Variants in CNTN4 observed in about 807,000 individuals in gnomAD.
The protein encoded by CNTN4 is contactin 4.
Under a neutral mutation model 122.5 loss-of-function variants are expected in CNTN4, and 77 were observed. The ratio of observed to expected loss-of-function variants is 0.63; its 90% CI spans 0.52 to 0.76. The LOEUF (loss-of-function observed/expected upper bound fraction) is 0.76, where lower values mean the gene tolerates loss of function less well. Ranked by LOEUF, CNTN4 falls within the 30% of genes least tolerant of loss-of-function variation. The pLI is 0.00. For missense variants in CNTN4, 1,256 were observed against 1,259.1 expected, an observed-to-expected ratio of 1.00 and a Z score of 0.04; for synonymous variants, 512 against 447.0, an observed-to-expected ratio of 1.15 and a Z score of -1.83.
chr3:2,360,295 G>GT (rs1400953471), intron 3 of CNTN4, among the ~76,000 whole-genome samples: 1 of 151,914 alleles, frequency 6.6e-6, no homozygotes, highest in East Asian at 1.9e-4. Context: ...ATTTTTAGCA[G>GT]TAAAAAAAAA....
chr3:2,819,611 C>T, intron 7 of CNTN4, 30 bp downstream of exon 7: 3 of 1,433,826 alleles, frequency 2.1e-6, no homozygotes, highest in Non-Finnish European at 3.0e-6. Context: ...CATATGCATG[C>T]TTCACTCTCT....
At chr3:2,243,912 A>C (rs2040039730) in intron 2 of CNTN4, among the ~76,000 whole-genome samples, 1 of 152,090 alleles carries the variant, frequency 6.6e-6, no homozygotes, top group Non-Finnish European at 1.5e-5. Flanking sequence ...GACAAAGCTG[A>C]AAGCAATGTA....
chr3:2,429,767 C>G (rs1032919139), intron 3 of CNTN4, among the ~76,000 whole-genome samples: 5 of 152,210 alleles, frequency 3.3e-5, no homozygotes, highest in Non-Finnish European at 7.3e-5. Flanking sequence ...TTTACCTACT[C>G]AAGCCTCAGC....
chr3:2,638,169 A>C (rs574546915), intron 4 of CNTN4, among the ~76,000 whole-genome samples: 1 of 152,182 alleles, frequency 6.6e-6, no homozygotes, highest in Non-Finnish European at 1.5e-5. Context: ...TTTTTCCATT[A>C]ACTTCTACCT....
chr3:2,705,228 C>T (rs1411921603), intron 4 of CNTN4, among the ~76,000 whole-genome samples: 3 of 149,376 alleles, frequency 2.0e-5, no homozygotes, highest in East Asian at 2.0e-4. Context: ...ATTAGCTGGG[C>T]GTAGTGGCGG....
intron 4 of CNTN4, among the ~76,000 whole-genome samples, chr3:2,725,421 C>G (rs776694708): frequency 6.6e-6 from 1 of 152,084 alleles, no homozygotes; most frequent in African/African-American, 2.4e-5. Context: ...ATTCTTTATG[C>G]GTAGAAAGAA....
chr3:2,725,077 A>C (rs754512384), intron 4 of CNTN4, among the ~76,000 whole-genome samples: 35 of 152,214 alleles, frequency 2.3e-4, no homozygotes, highest in African/African-American at 2.4e-5. Flanking sequence ...ATATATCCCT[A>C]TGAGCATGGA....
At chr3:2,522,847 G>T (rs537521937) in intron 3 of CNTN4, among the ~76,000 whole-genome samples, 2 of 152,088 alleles carry the variant, frequency 1.3e-5, no homozygotes, top group South Asian at 4.2e-4. Flanking sequence ...TTTCTTGAGT[G>T]TCTTTTTCTT....
Position 2,925,778 on chromosome 3 carries a change from A to G in CNTN4, c.1357A>G (p.Arg453Gly). The change falls in exon 13 of 25, where the codon AGA becomes GGA. Residue 453 changes from arginine to glycine, a missense_variant and splice_region_variant. Physicochemically the swap from Arg to Gly is moderately radical, Grantham distance 125. Transcript: ENST00000418658. ...KGRDILKENE[R>G]ITISEDGNLR... Reference sequence around the variant, plus strand: ...AAGGGATATATTAAAAGAAAATGAAAGGTACTGTCTTGAATTATTTTCAAT... The same window carrying G: ...AAGGGATATATTAAAAGAAAATGAAGGGTACTGTCTTGAATTATTTTCAAT... The G allele has an allele frequency of 1.2e-6, 2 of 1,611,586 alleles. No homozygotes were observed. The highest frequency in any genetic ancestry group is 1.7e-6 in the Non-Finnish European group (2 of 1,177,844).
chr3:2,940,363 T>G (rs1283472882), intron 13 of CNTN4, among the ~76,000 whole-genome samples: 1 of 152,178 alleles, frequency 6.6e-6, no homozygotes, highest in Non-Finnish European at 1.5e-5. Context: ...TTGGTGACAA[T>G]GAATTCACAA....
chr3:2,367,855 T>C (rs1277227783), intron 3 of CNTN4, among the ~76,000 whole-genome samples: 2 of 152,044 alleles, frequency 1.3e-5, no homozygotes, highest in African/African-American at 4.8e-5. Flanking sequence ...GTTCGGACTA[T>C]TTCAGCCTTT....
At chr3:3,055,987 A>G (rs1182044743) in intron 24 of CNTN4, 133 bp from the exon 25 acceptor site, 2 of 647,472 alleles carry the variant, frequency 3.1e-6, no homozygotes, top group East Asian at 5.5e-5. Context: ...CTGATATTTA[A>G]AAGCCATTAA....
intron 12 of CNTN4, among the ~76,000 whole-genome samples, chr3:2,916,977 C>T (rs191985277): frequency 0.15 from 15,086 of 99,268 alleles, 1,815 homozygotes; most frequent in East Asian, 0.37. Context: ...TTGCAGCGAG[C>T]CGAGATCACG....
intron 6 of CNTN4, among the ~76,000 whole-genome samples, chr3:2,806,376 C>G (rs970167577): frequency 5.3e-5 from 8 of 152,160 alleles, no homozygotes; most frequent in Non-Finnish European, 2.9e-5. Context: ...CTCACAACAT[C>G]TTCCACACAT....
At chr3:2,821,763 T>C (rs548889538) in intron 7 of CNTN4, among the ~76,000 whole-genome samples, 2 of 152,316 alleles carry the variant, frequency 1.3e-5, no homozygotes, top group South Asian at 2.1e-4. Flanking sequence ...AGGTCTGTAA[T>C]GACAAGATTG....
chr3:2,585,842 A>T (rs1330689631), intron 4 of CNTN4, among the ~76,000 whole-genome samples: 1 of 151,692 alleles, frequency 6.6e-6, no homozygotes, highest in Non-Finnish European at 1.5e-5. Flanking sequence ...GTATAATAAA[A>T]AAAAAAAAGA....
intron 3 of CNTN4, among the ~76,000 whole-genome samples, chr3:2,527,821 T>C (rs1372628169): frequency 6.6e-6 from 1 of 152,182 alleles, no homozygotes; most frequent in Non-Finnish European, 1.5e-5. Context: ...GTAGCCCTTA[T>C]GACACATCCC....
chr3:2,523,359 A>AAG (rs2077287498), intron 3 of CNTN4, among the ~76,000 whole-genome samples: 1 of 139,850 alleles, frequency 7.2e-6, no homozygotes, highest in East Asian at 2.1e-4. Context: ...GAGACCTTAA[A>AAG]AAAAAAAAAA....
intron 11 of CNTN4, among the ~76,000 whole-genome samples, chr3:2,901,150 G>A (rs1363562745): frequency 6.6e-6 from 1 of 152,196 alleles, no homozygotes; most frequent in Non-Finnish European, 1.5e-5. Context: ...TCCACTACAA[G>A]AGAAGGGGCA....
Sources: allele counts gnomAD v4.1 joint callset (sites outside exome capture counted in the v4.1 genomes callset), GRCh38; gene constraint gnomAD v4.1.1; transcripts MANE v1.5; gene names NCBI Gene and HGNC (gene_info 2026-07-23, HGNC 2026-07-21).